Variants in MAP3K5 observed in about 807,000 individuals in gnomAD.
MAP3K5 encodes the protein ASK-1.
Under a neutral mutation model 158.7 loss-of-function variants are expected in MAP3K5, and 56 were observed. The observed-to-expected ratio is 0.35, with a 90% CI of 0.28 to 0.44. The LOEUF is 0.44. Among genes scored for constraint, MAP3K5 ranks in the 20% least tolerant of loss-of-function variants. The probability of loss-of-function intolerance (pLI) is 1.00; values close to 1 mark genes in which losing one functional copy is unlikely to be tolerated. For synonymous variants in MAP3K5, 579 were observed against 601.7 expected, an observed-to-expected ratio of 0.96 and a Z score of 0.55; for missense variants, 1,294 against 1,674.8, an observed-to-expected ratio of 0.77 and a Z score of 3.97.
At position 136,737,033 on chromosome 6, in the gene MAP3K5, G is replaced by GTATATA. The variant is rs796790486; in HGVS notation, c.449-16445_449-16444insTATATA. 2.4e-3 allele frequency among the ~76,000 whole-genome samples: 267 copies of GTATATA among 112,002 alleles called. 5 individuals carry two copies. The highest frequency in any genetic ancestry group is 0.012 in the South Asian group (48 of 4,024). The allele number at this position is 112,002 out of a possible 152,430, so 73.5% of individuals were successfully genotyped here. Reference sequence around the variant, plus strand: ...AAATTAATTTTACATATATATATGTGTGTGTATATATATATATATATATAA... The same window carrying GTATATA: ...AAATTAATTTTACATATATATATGTGTATATATGTGTATATATATATATATATATAA... On this transcript the variant is annotated intron_variant, in intron 1 of 29. Coordinates refer to ENST00000359015, the MANE Select transcript of MAP3K5 (RefSeq NM_005923.4).
intron 17 of MAP3K5, among the ~76,000 whole-genome samples, chr6:136,612,073 T>C (rs1396530651): frequency 6.6e-6 from 1 of 152,042 alleles, no homozygotes; most frequent in Non-Finnish European, 1.5e-5. Flanking sequence ...ACAAGAACCA[T>C]TTTCCACACC....
intron 1 of MAP3K5, among the ~76,000 whole-genome samples, chr6:136,737,117 T>A (rs894624927): frequency 3.3e-5 from 5 of 150,308 alleles, no homozygotes; most frequent in Admixed American, 3.3e-4. Context: ...GAGGCCAATA[T>A]CCTAAGCAAA....
In MAP3K5 at chr6:136,791,844, A is replaced by T; in HGVS notation, c.314T>A (p.Leu105Gln). 6.2e-7 allele frequency: 1 copy of T among 1,613,766 alleles called. No homozygotes were observed. Among genetic ancestry groups the T allele is most frequent in the Non-Finnish European group, 8.5e-7 (1 of 1,179,978 alleles). The change falls in exon 1 of 30, where the codon CTG becomes CAG. Residue 105 changes from leucine (L) to glutamine (Q), a missense_variant. Physicochemically the swap from Leu to Gln is moderately radical, Grantham distance 113. Coordinates refer to ENST00000359015, the MANE Select transcript of MAP3K5 (RefSeq NM_005923.4). ...YVINEASQGQ[L>Q]VVAESEALQS... ...CAGGGCCTCGCTCTCGGCCACCACC[A>T]GTTGCCCTTGGCTCGCTTCGTTGAT... is the stretch of plus-strand genomic sequence containing the variant.
intron 23 of MAP3K5, among the ~76,000 whole-genome samples, chr6:136,587,939 G>A (rs1441508982): frequency 6.6e-6 from 1 of 152,178 alleles, no homozygotes; most frequent in African/African-American, 2.4e-5. Flanking sequence ...TAGAAGTGAT[G>A]ACCAAGGCAG....
chr6:136,684,560 G>A (rs1780065089), intron 7 of MAP3K5, among the ~76,000 whole-genome samples: 1 of 152,110 alleles, frequency 6.6e-6, no homozygotes, highest in Admixed American at 6.6e-5. Context: ...ATCATCTCCA[G>A]GGGTTAAGTT....
At chr6:136,753,133 G>A (rs768458417) in intron 1 of MAP3K5, among the ~76,000 whole-genome samples, 8 of 152,154 alleles carry the variant, frequency 5.3e-5, no homozygotes, top group Non-Finnish European at 1.0e-4. Flanking sequence ...TTTATTGGGT[G>A]ACATTTTTCT....
Position 136,601,912 on chromosome 6 carries a change from A to C in MAP3K5, c.2747T>G (p.Leu916Arg), listed in dbSNP as rs1194921719. The C allele has an allele frequency of 1.2e-6, 2 of 1,614,196 alleles. No homozygotes were observed. Among genetic ancestry groups the C allele is most frequent in the East Asian group, 2.2e-5 (1 of 44,878 alleles). ...GTCAGGATCTGGTTCAAAACATTTCAGTATGAATGCCTTGGCCTCTGCAGA... is the reference window on the plus strand; with the variant it reads ...GTCAGGATCTGGTTCAAAACATTTCCGTATGAATGCCTTGGCCTCTGCAGA... Reference protein sequence around the residue: ...SMSAEAKAFILKCFEPDPDKR... With the variant: ...SMSAEAKAFIRKCFEPDPDKR... The change falls in exon 20 of 30, where the codon CTG (leucine) becomes CGG (arginine). Residue 916 changes from leucine to arginine, a missense_variant. By Grantham distance (102) the Leu-to-Arg change is moderately radical. Transcript: ENST00000359015.
At chr6:136,667,031 T>C (rs1387635646) in intron 8 of MAP3K5, among the ~76,000 whole-genome samples, 3 of 152,216 alleles carry the variant, frequency 2.0e-5, no homozygotes, top group African/African-American at 4.8e-5. Flanking sequence ...GTTCTGACCA[T>C]CTTAATAAGT....
At position 136,694,217 on chromosome 6, in the gene MAP3K5, T is replaced by C; in HGVS notation, c.1176A>G (p.Leu392=). The C allele has an allele frequency of 6.2e-7, 1 of 1,613,742 alleles. No individual in the cohort carries two copies. The highest frequency in any genetic ancestry group is 8.5e-7 in the Non-Finnish European group (1 of 1,179,818). ...ACATATCTTTGTAGATTCGACCAACTAGGCAATACATATCTGAAGCAACTT... is the reference window on the plus strand; with the variant it reads ...ACATATCTTTGTAGATTCGACCAACCAGGCAATACATATCTGAAGCAACTT... ...EGQVASDMYC[L]VGRIYKDMFL... The change falls in exon 7 of 30, where the codon CTA becomes CTG. Residue 392 remains leucine (L), a synonymous_variant. Coordinates refer to ENST00000359015, the MANE Select transcript of MAP3K5 (RefSeq NM_005923.4).
intron 10 of MAP3K5, among the ~76,000 whole-genome samples, chr6:136,655,537 T>A (rs1778703646): frequency 6.6e-6 from 1 of 152,162 alleles, no homozygotes; most frequent in South Asian, 2.1e-4. Context: ...CCTCTAAGTA[T>A]GGAAGATAGA....
At chr6:136,747,675 T>G (rs1783020439) in intron 1 of MAP3K5, among the ~76,000 whole-genome samples, 1 of 152,180 alleles carries the variant, frequency 6.6e-6, no homozygotes, top group South Asian at 2.1e-4. Flanking sequence ...GTTCTCAAAT[T>G]TAATGTGTAC....
chr6:136,667,989 A>C (rs1378424262), intron 8 of MAP3K5, among the ~76,000 whole-genome samples: 1 of 152,206 alleles, frequency 6.6e-6, no homozygotes, highest in African/African-American at 2.4e-5. Flanking sequence ...TTAGCTTCAG[A>C]GATTCTCCAG....
intron 25 of MAP3K5, among the ~76,000 whole-genome samples, chr6:136,572,217 C>T (rs536209940): frequency 6.6e-6 from 1 of 152,142 alleles, no homozygotes; most frequent in Admixed American, 6.5e-5. Flanking sequence ...AGACCTTTTA[C>T]AACTTTCTAT....
chr6:136,580,015 T>C (rs1441628756), intron 25 of MAP3K5, among the ~76,000 whole-genome samples: 1 of 152,244 alleles, frequency 6.6e-6, no homozygotes, highest in Non-Finnish European at 1.5e-5. Flanking sequence ...CAGATATCTA[T>C]ATTTTGAAAT....
intron 2 of MAP3K5, among the ~76,000 whole-genome samples, chr6:136,719,027 T>A (rs1175946605): frequency 1.3e-5 from 2 of 151,742 alleles, no homozygotes; most frequent in Non-Finnish European, 2.9e-5. Flanking sequence ...AAGAGAAAAA[T>A]TAGCTGGGTG....
rs1226441518 is a variant in MAP3K5, at chr6:136,792,423, G to T, written c.-266C>A. On this transcript the variant is annotated 5_prime_UTR_variant, in exon 1 of 30. Transcript: ENST00000359015. This position sits in a 1 kb window ranked among gnomAD's most constrained non-coding sequence, Gnocchi z 5.7. ...TTAGAGTACAAGGGGTGGGGAAGCCGGGTGAGCGGGAAGGGACGGAGCTTC... is the reference window on the plus strand; with the variant it reads ...TTAGAGTACAAGGGGTGGGGAAGCCTGGTGAGCGGGAAGGGACGGAGCTTC... 2 of 977,066 alleles carry T rather than the reference G, an allele frequency of 2.0e-6. No homozygotes were observed. The highest frequency in any genetic ancestry group is 2.4e-6 in the Non-Finnish European group (2 of 822,184). 60.5% of individuals were successfully genotyped at this position (977,066 alleles called of 1,614,324 possible).
At chr6:136,648,096 T>C (rs556844469) in intron 11 of MAP3K5, 5 of 152,334 alleles carry the variant, frequency 3.3e-5, no homozygotes, top group Admixed American at 6.5e-5. Context: ...ACTGCACTCA[T>C]GGAAGTGAGT....
At chr6:136,742,750 A>G (rs138655451) in intron 1 of MAP3K5, among the ~76,000 whole-genome samples, 2 of 152,376 alleles carry the variant, frequency 1.3e-5, no homozygotes, top group South Asian at 2.1e-4. Context: ...TGCAAAAGAC[A>G]TATCTGTTAA....
rs919038538 is a variant in MAP3K5 at position 136,723,824 on chromosome 6, GT to G, written c.449-3236del. On this transcript the variant is annotated intron_variant, in intron 1 of 29. Transcript: ENST00000359015. ...AAGACAGGTCAAAGGAGCTTCAGAA[GT>G]TTTTTTTCCCCCCTCAAGGCTAAAA... Among the ~76,000 whole-genome samples, 239 of 152,060 alleles carry G rather than the reference GT, an allele frequency of 1.6e-3. 2 individuals carry two copies. The highest frequency in any genetic ancestry group is 5.0e-3 in the African/African-American group (209 of 41,460).
Sources: gnomAD v4.1 joint callset for allele counts (sites outside exome capture counted in the v4.1 genomes callset) on GRCh38, gnomAD v4.1.1 for gene constraint, Gnocchi (gnomAD v3.1) non-coding constraint, MANE v1.5 for transcripts, NCBI Gene and HGNC (gene_info 2026-07-23, HGNC 2026-07-21) for gene names.